Variants in HS6ST2 observed in about 807,000 individuals in gnomAD.
HS6ST2 encodes the protein heparan sulfate 6-O-sulfotransferase 2.
HS6ST2 carries 17 observed loss-of-function variants against 33.0 expected under a neutral mutation model. The observed-to-expected ratio is 0.52, with a 90% confidence interval of 0.35 to 0.77. The LOEUF is 0.77. Among genes scored for constraint, HS6ST2 ranks in the 30% least tolerant of loss-of-function variants. The probability of loss-of-function intolerance (pLI) is 0.01; values close to 1 mark genes in which losing one functional copy is unlikely to be tolerated. For missense variants in HS6ST2, 519 were observed against 551.7 expected (o/e 0.94, Z 0.59); for synonymous variants, 248 against 237.1 (o/e 1.05, Z -0.42).
At chrX:132,739,691 G>T (rs764770414) in intron 2 of HS6ST2, among the ~76,000 whole-genome samples, 1 of 105,162 alleles carries the variant, frequency 9.5e-6, no homozygotes, top group African/African-American at 3.5e-5. Flanking sequence ...CTCCAGCCTG[G>T]GTGACAGAGC....
intron 2 of HS6ST2, among the ~76,000 whole-genome samples, chrX:132,946,378 T>C (rs1371213129): frequency 8.9e-6 from 1 of 112,157 alleles, no homozygotes; most frequent in Non-Finnish European, 1.9e-5. Flanking sequence ...CAAATGTCCA[T>C]CATTGATAGA....
At chrX:132,895,650 A>G (rs140041122) in intron 2 of HS6ST2, among the ~76,000 whole-genome samples, 2,365 of 111,542 alleles carry the variant, frequency 0.021, 25 homozygotes, top group Non-Finnish European at 0.034. Flanking sequence ...CTATTACTGT[A>G]CTAGGTTATG....
chrX:132,893,736 G>A (rs2066339154), intron 2 of HS6ST2, among the ~76,000 whole-genome samples: 1 of 111,707 alleles, frequency 9.0e-6, no homozygotes, highest in South Asian at 3.8e-4. Flanking sequence ...TAGGGTTGGG[G>A]AAGAATGAAT....
chrX:132,633,085 A>G (rs2063529865), intron 4 of HS6ST2, among the ~76,000 whole-genome samples: 1 of 107,853 alleles, frequency 9.3e-6, no homozygotes, highest in Non-Finnish European at 1.9e-5. Context: ...CTCAAAAAAA[A>G]AAAAAAAAAA....
At chrX:132,906,164 T>C (rs1196198879) in intron 2 of HS6ST2, among the ~76,000 whole-genome samples, 3 of 112,869 alleles carry the variant, frequency 2.7e-5, no homozygotes, top group Non-Finnish European at 5.6e-5. Flanking sequence ...GTGCAGTCTA[T>C]CTGCCCACTT....
intron 2 of HS6ST2, among the ~76,000 whole-genome samples, chrX:132,765,461 A>G (rs902518473): frequency 9.0e-6 from 1 of 111,142 alleles, no homozygotes; most frequent in African/African-American, 3.3e-5. Context: ...TCTATTTTTT[A>G]TTTTTATTTT....
At chrX:132,790,279 C>T (rs146979856) in intron 2 of HS6ST2, among the ~76,000 whole-genome samples, 102 of 112,300 alleles carry the variant, frequency 9.1e-4, no homozygotes, top group Non-Finnish European at 1.6e-3. Flanking sequence ...AGCAAAACAA[C>T]GACAACTCAT....
intron 2 of HS6ST2, among the ~76,000 whole-genome samples, chrX:132,850,560 G>A (rs975896663): frequency 3.6e-5 from 4 of 111,574 alleles, no homozygotes; most frequent in African/African-American, 9.8e-5. Flanking sequence ...CAAGCATTTC[G>A]AATTTGGTTT....
chrX:132,850,402 A>G (rs1372497000), intron 2 of HS6ST2, among the ~76,000 whole-genome samples: 1 of 111,528 alleles, frequency 9.0e-6, no homozygotes, highest in Non-Finnish European at 1.9e-5. Flanking sequence ...GCAGAGAGTC[A>G]GAAAGAGTGA....
intron 4 of HS6ST2, among the ~76,000 whole-genome samples, chrX:132,665,580 G>A (rs1231202435): frequency 2.7e-5 from 3 of 111,390 alleles, no homozygotes; most frequent in Non-Finnish European, 5.7e-5. Context: ...TAATCCAATG[G>A]GTCAGCAAAT....
chrX:132,678,465 T>C (rs1174851636), intron 3 of HS6ST2, among the ~76,000 whole-genome samples: 1 of 112,583 alleles, frequency 8.9e-6, no homozygotes, highest in African/African-American at 3.2e-5. Context: ...AAACTATGCG[T>C]TCATGTGTCT....
chrX:132,689,389 T>C (rs1015255141), intron 3 of HS6ST2, among the ~76,000 whole-genome samples: 2 of 111,758 alleles, frequency 1.8e-5, no homozygotes, highest in African/African-American at 6.5e-5. Flanking sequence ...ATTGCTGACT[T>C]AACCATTCAG....
intron 4 of HS6ST2, among the ~76,000 whole-genome samples, chrX:132,637,866 A>ATTATATATAATATATATATAATATT: frequency 2.3e-5 from 1 of 42,663 alleles, no homozygotes; most frequent in Admixed American, 3.9e-4. Flanking sequence ...TATATAATAT[A>ATTATATATAATATATATATAATATT]TTATATATAA....
chrX:132,633,128 C>T (rs2063530700), intron 4 of HS6ST2, among the ~76,000 whole-genome samples: 1 of 104,551 alleles, frequency 9.6e-6, no homozygotes, highest in African/African-American at 3.5e-5. Flanking sequence ...GAGTATGAGA[C>T]AGAAGGATCA....
At chrX:132,711,211 C>A (rs1003781834) in intron 2 of HS6ST2, among the ~76,000 whole-genome samples, 3 of 111,858 alleles carry the variant, frequency 2.7e-5, no homozygotes, top group African/African-American at 9.7e-5. Flanking sequence ...TAGCGGGAGA[C>A]TTGGGAATCC....
At chrX:132,958,985 C>T (rs769840575), upstream of HS6ST2, 3 of 160,522 alleles carry the variant, frequency 1.9e-5, no homozygotes, top group African/African-American at 9.2e-5. Flanking sequence ...TGTACCAAAC[C>T]CTGTGCCTGC....
At chrX:132,681,923 C>A (rs1343609802) in intron 3 of HS6ST2, among the ~76,000 whole-genome samples, 1 of 112,180 alleles carries the variant, frequency 8.9e-6, no homozygotes, top group African/African-American at 3.2e-5. Flanking sequence ...TGGCTTAGAG[C>A]AGATGGAGGA....
chrX:132,927,285 G>A (rs1240748519), intron 2 of HS6ST2, among the ~76,000 whole-genome samples: 1 of 111,374 alleles, frequency 9.0e-6, no homozygotes, highest in Non-Finnish European at 1.9e-5. Flanking sequence ...TCCCTGGGCT[G>A]CTCCCTGCAG....
intron 2 of HS6ST2, among the ~76,000 whole-genome samples, chrX:132,833,900 G>A (rs2065616626): frequency 9.0e-6 from 1 of 110,651 alleles, no homozygotes; most frequent in Admixed American, 9.7e-5. Context: ...TCTTAAACCT[G>A]ATAATGACCG....
Sources: gnomAD v4.1 joint callset for allele counts (sites outside exome capture counted in the v4.1 genomes callset) on GRCh38, gnomAD v4.1.1 for gene constraint, MANE v1.5 for transcripts, NCBI Gene and HGNC (gene_info 2026-07-23, HGNC 2026-07-21) for gene names.